The following PGCKA1 variants were observed in gnomAD, a reference collection of about 807,000 sequenced individuals.
PGCKA1 encodes the protein PDCD10 and GCKIII kinases-associated protein 1.
the PGCKA1 span, among the ~76,000 whole-genome samples, chr4:37,475,962 T>C: frequency 6.7e-6 from 1 of 150,346 alleles, no homozygotes; most frequent in Non-Finnish European, 1.5e-5. Context: ...ATACATTATT[T>C]AAAATAATTA....
the PGCKA1 span, among the ~76,000 whole-genome samples, chr4:37,506,749 T>A: frequency 6.6e-6 from 1 of 152,154 alleles, no homozygotes; most frequent in African/African-American, 2.4e-5. Flanking sequence ...AGAATGTATA[T>A]TCTGCAGCCA....
At chr4:37,524,670 G>A in the PGCKA1 span, among the ~76,000 whole-genome samples, 1 of 152,218 alleles carries the variant, frequency 6.6e-6, no homozygotes, top group Non-Finnish European at 1.5e-5. Flanking sequence ...CCCACTTGGG[G>A]TACTTAATAA....
the PGCKA1 span, among the ~76,000 whole-genome samples, chr4:37,592,580 A>AT: frequency 6.6e-6 from 1 of 152,228 alleles, no homozygotes; most frequent in Non-Finnish European, 1.5e-5. Context: ...ATTTAAAGGC[A>AT]TTAAGGATGC....
At chr4:37,474,558 T>C in the PGCKA1 span, among the ~76,000 whole-genome samples, 1 of 152,180 alleles carries the variant, frequency 6.6e-6, no homozygotes, top group African/African-American at 2.4e-5. Flanking sequence ...TGCTTTAGGA[T>C]GAGTGGAAAG....
the PGCKA1 span, chr4:37,558,081 G>A: frequency 6.6e-6 from 1 of 152,146 alleles, no homozygotes; most frequent in South Asian, 2.1e-4. Context: ...CAACAGGTAA[G>A]CTATTTTATC....
chr4:37,584,951 C>G, the PGCKA1 span, among the ~76,000 whole-genome samples: 1 of 148,750 alleles, frequency 6.7e-6, no homozygotes. Flanking sequence ...ACAATCCAGT[C>G]TGCCTTCCTT....
the PGCKA1 span, among the ~76,000 whole-genome samples, chr4:37,479,543 T>A: frequency 6.6e-6 from 1 of 152,110 alleles, no homozygotes; most frequent in African/African-American, 2.4e-5. Flanking sequence ...ATAATATGAA[T>A]CAATAGTAGA....
the PGCKA1 span, among the ~76,000 whole-genome samples, chr4:37,533,997 C>T: frequency 6.6e-6 from 1 of 152,148 alleles, no homozygotes; most frequent in Non-Finnish European, 1.5e-5. Flanking sequence ...TGAAAGGAAA[C>T]CCCGATCAAA....
chr4:37,493,512 C>G, the PGCKA1 span, among the ~76,000 whole-genome samples: 5 of 152,098 alleles, frequency 3.3e-5, no homozygotes, highest in Admixed American at 2.6e-4. Flanking sequence ...CCTTTCCCTG[C>G]CACTCCACTG....
At chr4:37,532,238 C>A in the PGCKA1 span, among the ~76,000 whole-genome samples, 1 of 152,188 alleles carries the variant, frequency 6.6e-6, no homozygotes, top group Non-Finnish European at 1.5e-5. Flanking sequence ...ACAGCTGCTA[C>A]ATGGGAAAAA....
chr4:37,559,375 A>T, the PGCKA1 span, among the ~76,000 whole-genome samples: 1 of 140,278 alleles, frequency 7.1e-6, no homozygotes. Flanking sequence ...ATTCTCACTC[A>T]TAGATGGGAA....
chr4:37,499,406 T>C, the PGCKA1 span, among the ~76,000 whole-genome samples: 7 of 152,202 alleles, frequency 4.6e-5, no homozygotes, highest in African/African-American at 1.7e-4. Context: ...TTTGTACATC[T>C]CATAAAATTC....
chr4:37,555,575 G>A, the PGCKA1 span, among the ~76,000 whole-genome samples: 6 of 152,122 alleles, frequency 3.9e-5, no homozygotes, highest in Non-Finnish European at 7.4e-5. Context: ...GCAAAATATG[G>A]GTCTGGTGCT....
the PGCKA1 span, among the ~76,000 whole-genome samples, chr4:37,529,935 A>G: frequency 2.6e-5 from 4 of 152,222 alleles, no homozygotes; most frequent in African/African-American, 9.6e-5. Context: ...TACATATTAA[A>G]AAATAATGTA....
the PGCKA1 span, among the ~76,000 whole-genome samples, chr4:37,482,433 C>T: frequency 2.2e-4 from 33 of 152,284 alleles, no homozygotes; most frequent in Non-Finnish European, 3.8e-4. Flanking sequence ...TTGCATTTTG[C>T]CCCTGCCCTG....
the PGCKA1 span, among the ~76,000 whole-genome samples, chr4:37,515,932 G>A: frequency 1.5e-4 from 23 of 152,078 alleles, no homozygotes; most frequent in South Asian, 4.6e-3. Flanking sequence ...TCATTGCTTA[G>A]GCCAAAATAA....
At chr4:37,505,473 A>G in the PGCKA1 span, among the ~76,000 whole-genome samples, 2 of 152,118 alleles carry the variant, frequency 1.3e-5, no homozygotes, top group African/African-American at 4.8e-5. Flanking sequence ...GTCCATTTTC[A>G]TGCTGCTGAT....
At chr4:37,462,951 A>T in the PGCKA1 span, among the ~76,000 whole-genome samples, 2 of 140,634 alleles carry the variant, frequency 1.4e-5, no homozygotes, top group South Asian at 4.9e-4. Flanking sequence ...TGACAGAGCG[A>T]GACTCAGTAT....
chr4:37,546,591 T>C, the PGCKA1 span, among the ~76,000 whole-genome samples: 30 of 152,388 alleles, frequency 2.0e-4, no homozygotes, highest in South Asian at 5.6e-3. Flanking sequence ...AGTAGCTTGC[T>C]GATGCTCCCA....
Sources: allele counts gnomAD v4.1 joint callset (sites outside exome capture counted in the v4.1 genomes callset), GRCh38; gene constraint gnomAD v4.1.1; transcripts MANE v1.5; gene names NCBI Gene and HGNC (gene_info 2026-07-23, HGNC 2026-07-21).